Variants in ADAMTS18 observed in about 807,000 individuals in gnomAD.
ADAMTS18 encodes the protein ADAM metallopeptidase with thrombospondin type 1 motif 18.
Under a neutral mutation model 165.9 loss-of-function variants are expected in ADAMTS18, and 157 were observed. That is an observed-to-expected ratio of 0.95 (90% CI 0.83 to 1.08). The LOEUF (loss-of-function observed/expected upper bound fraction) is 1.08, where lower values mean the gene tolerates loss of function less well. ADAMTS18 is among the 50% of genes least tolerant of loss of function. ADAMTS18 has a pLI of 0.00. For missense variants in ADAMTS18, 2,040 were observed against 1,534.0 expected (o/e 1.33, Z -5.51); for synonymous variants, 782 against 578.2 (o/e 1.35, Z -5.06).
chr16:77,403,089 T>C (rs1407204155), intron 3 of ADAMTS18, among the ~76,000 whole-genome samples: 2 of 152,222 alleles, frequency 1.3e-5, no homozygotes, highest in African/African-American at 4.8e-5. Context: ...TAATGCAATT[T>C]CATACTCACT....
rs895539462 is a variant in ADAMTS18, at chr16:77,283,740, C to T, written c.*216G>A. ...TTTTTTAAAGTCAGATTTGTCATCG[C>T]TTCCCATTTTCAAGTGCTTCAGAGT... On this transcript the variant is annotated 3_prime_UTR_variant, in exon 23 of 23. Transcript: ENST00000282849. 1.6e-5 allele frequency: 9 copies of T among 555,820 alleles called. No homozygotes were observed. The highest frequency in any genetic ancestry group is 6.2e-5 in the Admixed American group (2 of 32,324). 34.4% of individuals were successfully genotyped at this position (555,820 alleles called of 1,614,324 possible).
At chr16:77,426,221 A>G (rs1476939857) in intron 3 of ADAMTS18, among the ~76,000 whole-genome samples, 3 of 152,130 alleles carry the variant, frequency 2.0e-5, no homozygotes, top group Non-Finnish European at 4.4e-5. Flanking sequence ...ATGACCATAA[A>G]CCACTTATTC....
intron 16 of ADAMTS18, among the ~76,000 whole-genome samples, chr16:77,312,825 A>G (rs2055808264): frequency 6.6e-6 from 1 of 152,166 alleles, no homozygotes; most frequent in South Asian, 2.1e-4. Context: ...GAGAAATAGG[A>G]ACACTTTTAC....
intron 3 of ADAMTS18, among the ~76,000 whole-genome samples, chr16:77,402,287 G>A (rs774108204): frequency 7.9e-5 from 12 of 152,072 alleles, no homozygotes; most frequent in Non-Finnish European, 1.8e-4. Context: ...CTTGCTTCCT[G>A]CCCAGTGAAA....
intron 11 of ADAMTS18, among the ~76,000 whole-genome samples, chr16:77,339,670 T>A (rs6564432): frequency 6.6e-6 from 1 of 151,406 alleles, no homozygotes; most frequent in African/African-American, 2.4e-5. Flanking sequence ...TAAAAAGGAC[T>A]TGAGCACTAT....
intron 11 of ADAMTS18, among the ~76,000 whole-genome samples, chr16:77,336,940 T>C (rs971924769): frequency 5.3e-5 from 8 of 152,194 alleles, no homozygotes; most frequent in Admixed American, 1.3e-4. Context: ...TGCTGAGGAA[T>C]TGGGGGATCG....
intron 8 of ADAMTS18, 57 bp from the exon 9 acceptor site, chr16:77,356,134 T>C: frequency 1.9e-6 from 3 of 1,609,704 alleles, no homozygotes; most frequent in Non-Finnish European, 2.6e-6. Context: ...TTTTGAAGGA[T>C]AATCTGAGGA....
At chr16:77,391,902 G>A (rs1178840745) in intron 3 of ADAMTS18, among the ~76,000 whole-genome samples, 1 of 152,106 alleles carries the variant, frequency 6.6e-6, no homozygotes, top group Non-Finnish European at 1.5e-5. Flanking sequence ...GAAAGAAGGT[G>A]GTTTGGTGAA....
In ADAMTS18 at chr16:77,291,344, C is replaced by G; in HGVS notation, c.3324G>C (p.Glu1108Asp). The change falls in exon 21 of 23, where the codon GAG (glutamate) becomes GAC (aspartate). Residue 1108 changes from glutamate (E) to aspartate (D), a missense_variant. By Grantham distance (45) the Glu-to-Asp change is conservative. Transcript: ENST00000282849. ...CTGGGCAAGCCCGTCGGTTGCAGGTCTCTTCCAAGTCCAGATTTGGTTTCT... is the reference window on the plus strand; with the variant it reads ...CTGGGCAAGCCCGTCGGTTGCAGGTGTCTTCCAAGTCCAGATTTGGTTTCT... ...NIKKPNLDLEETCNRRACPAH... is the reference protein window; with the variant it reads ...NIKKPNLDLEDTCNRRACPAH... 1 of 1,614,224 alleles carries G rather than the reference C, an allele frequency of 6.2e-7. No homozygotes were observed. The highest frequency in any genetic ancestry group is 8.5e-7 in the Non-Finnish European group (1 of 1,180,032).
chr16:77,381,341 G>GA (rs2057027434), intron 3 of ADAMTS18, among the ~76,000 whole-genome samples: 1 of 152,152 alleles, frequency 6.6e-6, no homozygotes, highest in Admixed American at 6.5e-5. Flanking sequence ...CTGAAGGTAT[G>GA]ACTCTTTAAC....
intron 7 of ADAMTS18, among the ~76,000 whole-genome samples, chr16:77,360,109 G>C (rs2056690582): frequency 6.6e-6 from 1 of 152,134 alleles, no homozygotes; most frequent in Admixed American, 6.5e-5. Flanking sequence ...ACAAATCTAT[G>C]TACCCATCTA....
intron 3 of ADAMTS18, among the ~76,000 whole-genome samples, chr16:77,385,527 C>T (rs1051143088): frequency 3.3e-5 from 5 of 152,148 alleles, no homozygotes; most frequent in Non-Finnish European, 4.4e-5. Context: ...CAGAAAGACA[C>T]GTGTTTTTAC....
intron 15 of ADAMTS18, among the ~76,000 whole-genome samples, 163 bp downstream of exon 15, chr16:77,320,916 T>TCCTCACAA (rs2055985621): frequency 6.6e-6 from 1 of 152,196 alleles, no homozygotes; most frequent in South Asian, 2.1e-4. Context: ...TCGACGAAAT[T>TCCTCACAA]CCTCACAACT....
intron 16 of ADAMTS18, among the ~76,000 whole-genome samples, chr16:77,315,185 T>C (rs989016590): frequency 2.0e-5 from 3 of 152,182 alleles, no homozygotes; most frequent in African/African-American, 4.8e-5. Flanking sequence ...CATCTACTAA[T>C]AGTCCTTTGA....
chr16:77,426,881 G>A (rs1454794756), intron 3 of ADAMTS18, among the ~76,000 whole-genome samples: 2 of 152,120 alleles, frequency 1.3e-5, no homozygotes, highest in Admixed American at 6.5e-5. Flanking sequence ...TGGTGTGGTG[G>A]TACGTGCCTG....
Position 77,291,192 on chromosome 16 carries a change from G to T in ADAMTS18, c.3402+74C>A, listed in dbSNP as rs1269068487. On this transcript the variant is annotated intron_variant, in intron 21 of 22. Transcript: ENST00000282849. ...TTAGACAACCATTAACAGACTAAGA[G>T]CAACTGTTTGCAGAACGCCTCATTT... 2.7e-6 allele frequency: 4 copies of T among 1,504,260 alleles called. No homozygotes were observed. In the East Asian group the frequency reaches 9.1e-5, roughly 34 times the overall value. The allele number at this position is 1,504,260 out of a possible 1,614,324, so 93.2% of individuals were successfully genotyped here. A position where few individuals can be genotyped will look rare whatever the true frequency, so the allele number is the denominator to read the frequency against.
intron 4 of ADAMTS18, among the ~76,000 whole-genome samples, chr16:77,366,323 C>T (rs8045315): frequency 2.6e-5 from 4 of 152,094 alleles, no homozygotes; most frequent in East Asian, 3.9e-4. Context: ...ATTGGGAGAC[C>T]GAGGCGGGTG....
rs2057301314 is a variant in ADAMTS18, at chr16:77,399,658, C to T, written c.495+31637G>A. Among the ~76,000 whole-genome samples, 3 of 152,156 alleles carry T rather than the reference C, an allele frequency of 2.0e-5. No individual in the cohort carries two copies. In the South Asian group the frequency reaches 6.2e-4, roughly 31 times the overall value. On this transcript the variant is annotated intron_variant, in intron 3 of 22. Transcript: ENST00000282849. ...AACACTATACACTTCATAGAGTTGT[C>T]TGGGGCTGCAAGTAATATGCTGCCG...
chr16:77,415,436 C>G (rs1053447863), intron 3 of ADAMTS18, among the ~76,000 whole-genome samples: 1 of 152,076 alleles, frequency 6.6e-6, no homozygotes. Context: ...CTATGATGAC[C>G]CTACTCTCAG....
Sources: allele counts gnomAD v4.1 joint callset (sites outside exome capture counted in the v4.1 genomes callset), GRCh38; gene constraint gnomAD v4.1.1; transcripts MANE v1.5; gene names NCBI Gene and HGNC (gene_info 2026-07-23, HGNC 2026-07-21).